TMEM184B: variants seen among roughly 807,000 people sequenced by gnomAD.
TMEM184B encodes putative MAPK-activating protein FM08.
TMEM184B carries 17 observed loss-of-function variants against 41.8 expected under a neutral mutation model. The ratio of observed to expected loss-of-function variants is 0.41; its 90% CI spans 0.28 to 0.61. TMEM184B has a LOEUF of 0.61. Among genes scored for constraint, TMEM184B ranks in the 20% least tolerant of loss-of-function variants. TMEM184B has a pLI of 0.34. For missense variants in TMEM184B, 393 were observed against 557.8 expected (o/e 0.70, Z 2.98); for synonymous variants, 240 against 229.5 (o/e 1.05, Z -0.41).
In TMEM184B at chr22:38,229,166, C is replaced by T. The variant is rs563597171; in HGVS notation, c.525+1503G>A. On this transcript the variant is annotated intron_variant, in intron 5 of 8. Transcript: ENST00000361906. The stretch of plus-strand genomic sequence containing the variant: ...GAGCAGCAGGCCCCGCCCTCCAGGG[C>T]CATCGTGACTTGGCTGTGGGTTTCA... Among the ~76,000 whole-genome samples, 331 of 152,372 alleles carry T rather than the reference C, an allele frequency of 2.2e-3. 1 individual carries two copies. The highest frequency in any genetic ancestry group is 3.5e-3 in the Non-Finnish European group (236 of 68,038).
At position 38,272,935 on chromosome 22, in the gene TMEM184B, A is replaced by G. The variant is rs2145809167; in HGVS notation, c.-110T>C. The G allele has an allele frequency of 1.9e-6, 1 of 519,534 alleles. No individual in the cohort carries two copies. The highest frequency in any genetic ancestry group is 2.5e-6 in the Non-Finnish European group (1 of 404,956). 32.2% of individuals were successfully genotyped at this position (519,534 alleles called of 1,614,324 possible). On this transcript the variant is annotated 5_prime_UTR_variant, in exon 1 of 9. Coordinates refer to ENST00000361906, the MANE Select transcript of TMEM184B (RefSeq NM_012264.5). Reference sequence around the variant, plus strand: ...TCTGCGGACGATGCGCGGCAGCCGGACTCTGCGGGCGGGGCGGGCGGCGCC... The same window carrying G: ...TCTGCGGACGATGCGCGGCAGCCGGGCTCTGCGGGCGGGGCGGGCGGCGCC...
In TMEM184B at chr22:38,247,335, G is replaced by T. The variant is rs141327939; in HGVS notation, c.192+435C>A. 2.6e-5 allele frequency among the ~76,000 whole-genome samples: 4 copies of T among 152,376 alleles called. No homozygotes were observed. In the East Asian group the frequency reaches 7.7e-4, roughly 29 times the overall value. ...CGAGTGTCACCTCTGGCTGGAGGTG[G>T]TTAAATATACAGAGTGCCTTCGCAC... On this transcript the variant is annotated intron_variant, in intron 2 of 8. Coordinates refer to ENST00000361906, the MANE Select transcript of TMEM184B (RefSeq NM_012264.5).
intron 5 of TMEM184B, 62 bp downstream of exon 5, chr22:38,230,607 G>A (rs551855004): frequency 3.2e-5 from 49 of 1,546,230 alleles, no homozygotes; most frequent in Middle Eastern, 1.8e-4. Context: ...GGCAGCCCAC[G>A]GCAGGGCCTC....
At chr22:38,228,756 T>C (rs2091525271) in intron 5 of TMEM184B, among the ~76,000 whole-genome samples, 1 of 152,212 alleles carries the variant, frequency 6.6e-6, no homozygotes, top group Admixed American at 6.5e-5. Flanking sequence ...TTTTGTTCTC[T>C]TTCTTCTTAT....
rs533696719 is a variant in TMEM184B, at chr22:38,239,396, G to A, written c.358+6539C>T. The A allele has an allele frequency of 4.7e-4, 72 of 152,508 alleles. No individual in the cohort carries two copies. The highest frequency in any genetic ancestry group is 1.6e-3 in the African/African-American group (67 of 41,566). 9.4% of individuals were successfully genotyped at this position (152,508 alleles called of 1,614,324 possible). A position where few individuals can be genotyped will look rare whatever the true frequency, so the allele number is the denominator to read the frequency against. The stretch of plus-strand genomic sequence containing the variant: ...AATGAGAAGGAATGAGGGTGGGGTG[G>A]GGAGCAAACCTTCAAGGACAAGAGG... On this transcript the variant is annotated intron_variant, in intron 3 of 8. Coordinates refer to ENST00000361906, the MANE Select transcript of TMEM184B (RefSeq NM_012264.5). This position sits in a 1 kb window ranked among gnomAD's most constrained non-coding sequence, Gnocchi z 4.6.
intron 3 of TMEM184B, among the ~76,000 whole-genome samples, chr22:38,240,298 T>A (rs2091875494): frequency 6.6e-6 from 1 of 150,924 alleles, no homozygotes; most frequent in African/African-American, 2.4e-5. Context: ...CAAGGCATCA[T>A]AAAGAAAAAG....
chr22:38,220,424 C>T lies in TMEM184B; in HGVS notation c.*1045G>A, dbSNP rs1316668678. ...CCAGGGGCCAGATGGGGTAGAACAC[C>T]AGGCCCTGTGTGGATAGGGGCCCCG... On this transcript the variant is annotated 3_prime_UTR_variant, in exon 9 of 9. Coordinates refer to ENST00000361906, the MANE Select transcript of TMEM184B (RefSeq NM_012264.5). The T allele has an allele frequency of 1.0e-6, 1 of 985,848 alleles. No homozygotes were observed. Among genetic ancestry groups the T allele is most frequent in the East Asian group, 1.1e-4 (1 of 8,820 alleles). 61.1% of individuals were successfully genotyped at this position (985,848 alleles called of 1,614,324 possible).
At chr22:38,244,700 C>A (rs184876378) in intron 3 of TMEM184B, among the ~76,000 whole-genome samples, 24 of 152,354 alleles carry the variant, frequency 1.6e-4, no homozygotes, top group African/African-American at 4.3e-4. Flanking sequence ...AGGTGATCTG[C>A]CCGCCTCGGC....
chr22:38,233,185 T>C (rs191233311), intron 3 of TMEM184B, among the ~76,000 whole-genome samples: 1 of 152,350 alleles, frequency 6.6e-6, no homozygotes, highest in East Asian at 1.9e-4. Flanking sequence ...CTACTCACGG[T>C]TGCCCTAATC....
At chr22:38,218,001 G>A (rs2091171415), downstream of TMEM184B, among the ~76,000 whole-genome samples, 1 of 152,084 alleles carries the variant, frequency 6.6e-6, no homozygotes, top group Non-Finnish European at 1.5e-5. Flanking sequence ...TAAATTCCCT[G>A]GGCATCCCTT....
intron 1 of TMEM184B, among the ~76,000 whole-genome samples, chr22:38,270,549 C>T (rs2092507335): frequency 6.6e-6 from 1 of 152,196 alleles, no homozygotes; most frequent in Non-Finnish European, 1.5e-5. Context: ...CTCCCTCTGC[C>T]AACCACCTTT....
At chr22:38,256,982 T>G (rs558886536) in intron 1 of TMEM184B, among the ~76,000 whole-genome samples, 5 of 149,626 alleles carry the variant, frequency 3.3e-5, no homozygotes, top group Admixed American at 1.3e-4. Context: ...TAATAGTTTT[T>G]TTTTTTTTTT....
downstream of TMEM184B, among the ~76,000 whole-genome samples, chr22:38,217,830 C>CA (rs374397588): frequency 0.043 from 3,785 of 87,758 alleles, 230 homozygotes; most frequent in East Asian, 0.17. Context: ...GACTCCATCT[C>CA]AAAAAAAAAA....
At chr22:38,264,674 A>G (rs2092419327) in intron 1 of TMEM184B, among the ~76,000 whole-genome samples, 1 of 152,174 alleles carries the variant, frequency 6.6e-6, no homozygotes. Flanking sequence ...GGTCTCTGGA[A>G]GGCACACCGA....
intron 3 of TMEM184B, among the ~76,000 whole-genome samples, chr22:38,241,943 A>G (rs1377373579): frequency 1.3e-5 from 2 of 150,940 alleles, no homozygotes; most frequent in Non-Finnish European, 2.9e-5. Flanking sequence ...GCCCTTCCAT[A>G]GTAGGAAGTC....
intron 5 of TMEM184B, among the ~76,000 whole-genome samples, chr22:38,229,188 T>G (rs2091537987): frequency 6.6e-6 from 1 of 152,216 alleles, no homozygotes; most frequent in Non-Finnish European, 1.5e-5. Flanking sequence ...GGCTGTGGGT[T>G]TCATGTACTT....
intron 3 of TMEM184B, among the ~76,000 whole-genome samples, chr22:38,243,765 G>C (rs1188950011): frequency 6.6e-6 from 1 of 152,188 alleles, no homozygotes; most frequent in Admixed American, 6.5e-5. Flanking sequence ...CACAGGGCAG[G>C]GGTTTGATTA....
At chr22:38,235,866 G>C (rs926512863) in intron 3 of TMEM184B, among the ~76,000 whole-genome samples, 1 of 152,220 alleles carries the variant, frequency 6.6e-6, no homozygotes. Context: ...CGGGGCTGGA[G>C]GGAGGTGCTT....
In TMEM184B at chr22:38,231,339, G is replaced by A. The variant is rs371784357; in HGVS notation, c.359-5C>T. ...GGAAATTATAGATGACCAAGGCTGCGAAGAGAGTGTCCAGGAGAAACCAGT... is the reference window on the plus strand; with the variant it reads ...GGAAATTATAGATGACCAAGGCTGCAAAGAGAGTGTCCAGGAGAAACCAGT... On this transcript the variant is annotated splice_region_variant and splice_polypyrimidine_tract_variant and intron_variant, in intron 3 of 8. Transcript: ENST00000361906. 30 of 1,612,784 alleles carry A rather than the reference G, an allele frequency of 1.9e-5. No individual in the cohort carries two copies. The highest frequency in any genetic ancestry group is 4.4e-5 in the South Asian group (4 of 91,080).
Sources: allele counts gnomAD v4.1 joint callset (sites outside exome capture counted in the v4.1 genomes callset), GRCh38; gene constraint gnomAD v4.1.1; non-coding constraint Gnocchi (gnomAD v3.1); transcripts MANE v1.5; gene names NCBI Gene and HGNC (gene_info 2026-07-23, HGNC 2026-07-21).